Variants in DNAJC5B observed in about 807,000 individuals in gnomAD.
DNAJC5B encodes the protein dnaJ homolog subfamily C member 5B.
DNAJC5B carries 23 observed loss-of-function variants against 24.7 expected under a neutral mutation model. That is an observed-to-expected ratio of 0.93 (90% confidence interval 0.67 to 1.32). The LOEUF (loss-of-function observed/expected upper bound fraction) is 1.32. Among genes scored for constraint, DNAJC5B ranks in the 40% most tolerant of loss-of-function variants. The pLI is 0.00. For missense variants in DNAJC5B, 238 were observed against 240.8 expected, an observed-to-expected ratio of 0.99 and a Z score of 0.08; for synonymous variants, 101 against 90.1, an observed-to-expected ratio of 1.12 and a Z score of -0.68.
intron 3 of DNAJC5B, among the ~76,000 whole-genome samples, chr8:66,054,807 C>T (rs574811057): frequency 6.6e-6 from 1 of 152,310 alleles, no homozygotes; most frequent in Non-Finnish European, 1.5e-5. Flanking sequence ...GAGCTGCCCA[C>T]ACCTGTTGGT....
intron 5 of DNAJC5B, among the ~76,000 whole-genome samples, chr8:66,085,539 C>G (rs1441685128): frequency 6.6e-6 from 1 of 152,126 alleles, no homozygotes; most frequent in Non-Finnish European, 1.5e-5. Flanking sequence ...CACCACTGCA[C>G]TCTAGCCTGG....
chr8:66,061,589 T>TAGAG (rs565078426), intron 3 of DNAJC5B, among the ~76,000 whole-genome samples: 1,783 of 142,796 alleles, frequency 0.012, 31 homozygotes, highest in African/African-American at 0.043. Context: ...AAAGAATGGA[T>TAGAG]AGAGAGAGAG....
At chr8:66,057,446 G>A (rs1285635347) in intron 3 of DNAJC5B, 1 of 152,096 alleles carries the variant, frequency 6.6e-6, no homozygotes, top group Non-Finnish European at 1.5e-5. Flanking sequence ...CAATAACAAA[G>A]ATCCAACATT....
upstream of DNAJC5B, among the ~76,000 whole-genome samples, chr8:66,020,170 C>T (rs1376638498): frequency 2.0e-5 from 3 of 152,188 alleles, no homozygotes; most frequent in Admixed American, 6.5e-5. Context: ...AGTAACCTTT[C>T]CACTTAATTA....
At chr8:66,061,610 A>AGAGTGT (rs1239405686) in intron 3 of DNAJC5B, among the ~76,000 whole-genome samples, 12 of 144,964 alleles carry the variant, frequency 8.3e-5, no homozygotes, top group East Asian at 4.0e-4. Flanking sequence ...AGAGAGAGAG[A>AGAGTGT]GTGTGTGTGT....
At chr8:66,017,855 A>T (rs1208928010), upstream of DNAJC5B, among the ~76,000 whole-genome samples, 2 of 152,252 alleles carry the variant, frequency 1.3e-5, no homozygotes, top group African/African-American at 4.8e-5. Flanking sequence ...GACATAGACT[A>T]CGAGCATTTT....
At chr8:66,036,272 G>A (rs1806482579) in intron 1 of DNAJC5B, among the ~76,000 whole-genome samples, 2 of 152,084 alleles carry the variant, frequency 1.3e-5, no homozygotes, top group African/African-American at 4.8e-5. Context: ...CTGGGTTTTT[G>A]TTGTCATTTG....
chr8:66,052,507 G>T (rs1563595606), intron 3 of DNAJC5B, among the ~76,000 whole-genome samples: 4 of 152,110 alleles, frequency 2.6e-5, no homozygotes, highest in South Asian at 4.1e-4. Flanking sequence ...TATGAGAGAA[G>T]CTGTCTGAAA....
chr8:66,101,117 C>T lies in DNAJC5B; in HGVS notation c.*1086C>T, dbSNP rs1808064507. Among the ~76,000 whole-genome samples, 1 of 151,924 alleles carries T rather than the reference C, an allele frequency of 6.6e-6. No homozygotes were observed. Among genetic ancestry groups the T allele is most frequent in the Admixed American group, 6.6e-5 (1 of 15,254 alleles). On this transcript the variant is annotated 3_prime_UTR_variant, in exon 6 of 6. Transcript: ENST00000276570. ...TTTTTATATAATATTGTATAAAATG[C>T]CTTTATCTTTTTTCTTGTTTCTTAT...
chr8:66,061,561 G>A (rs1205292221), intron 3 of DNAJC5B, among the ~76,000 whole-genome samples: 4 of 151,730 alleles, frequency 2.6e-5, no homozygotes, highest in East Asian at 1.9e-4. Context: ...GCCAAGAAGT[G>A]TTGAGTATGT....
rs1362826421 is a variant in DNAJC5B at position 66,101,051 on chromosome 8, T to A, written c.*1020T>A. ...AGTGTTCGTTTTTCTAGCTCTTTCT[T>A]ACTTTTTTATATAATATTGCATTTT... On this transcript the variant is annotated 3_prime_UTR_variant, in exon 6 of 6. Transcript: ENST00000276570. Among the ~76,000 whole-genome samples, 1 of 152,248 alleles carries A rather than the reference T, an allele frequency of 6.6e-6. No homozygotes were observed. Among genetic ancestry groups the A allele is most frequent in the African/African-American group, 2.4e-5 (1 of 41,466 alleles).
At chr8:66,029,062 A>T (rs968572551) in intron 1 of DNAJC5B, among the ~76,000 whole-genome samples, 1 of 152,108 alleles carries the variant, frequency 6.6e-6, no homozygotes, top group African/African-American at 2.4e-5. Context: ...TTGCTCATGC[A>T]ATTTCTTCAG....
intron 5 of DNAJC5B, among the ~76,000 whole-genome samples, chr8:66,087,982 G>A (rs1807765376): frequency 6.6e-6 from 1 of 152,206 alleles, no homozygotes; most frequent in South Asian, 2.1e-4. Context: ...GCCCCAGTAG[G>A]GACTGTGTGT....
chr8:66,088,834 T>G (rs892969880), intron 5 of DNAJC5B, among the ~76,000 whole-genome samples: 2 of 152,166 alleles, frequency 1.3e-5, no homozygotes, highest in African/African-American at 4.8e-5. Context: ...CATATCACTA[T>G]CAGCATTTTG....
At chr8:66,015,884 G>A in the DNAJC5B span, among the ~76,000 whole-genome samples, 1 of 152,216 alleles carries the variant, frequency 6.6e-6, no homozygotes, top group Non-Finnish European at 1.5e-5. Flanking sequence ...AGATTGGTGA[G>A]AGTTTGCAAT....
At chr8:66,028,906 G>A (rs17307227) in intron 1 of DNAJC5B, among the ~76,000 whole-genome samples, 12,920 of 152,188 alleles carry the variant, frequency 0.085, 705 homozygotes, top group Middle Eastern at 0.15. Flanking sequence ...TGGTTTTCAA[G>A]GCCTCTCACC....
At position 66,040,808 on chromosome 8, in the gene DNAJC5B, C is replaced by G. The variant is rs78892501; in HGVS notation, c.-141-2680C>G. On this transcript the variant is annotated intron_variant, in intron 1 of 5. Coordinates refer to ENST00000276570, the MANE Select transcript of DNAJC5B (RefSeq NM_033105.6). Reference sequence around the variant, plus strand: ...AGAGAGTTATAAATAGTTCTCTCTGCTTAGCCTTCGATAATTCTATGTTTT... The same window carrying G: ...AGAGAGTTATAAATAGTTCTCTCTGGTTAGCCTTCGATAATTCTATGTTTT... Among the ~76,000 whole-genome samples, 1,458 of 152,284 alleles carry G rather than the reference C, an allele frequency of 9.6e-3. 41 individuals are homozygous for G. The highest frequency in any genetic ancestry group is 0.034 in the African/African-American group (1,397 of 41,562).
intron 2 of DNAJC5B, 83 bp downstream of exon 2, chr8:66,043,694 T>C (rs1022976156): frequency 6.6e-6 from 1 of 152,194 alleles, no homozygotes; most frequent in Non-Finnish European, 1.5e-5. Flanking sequence ...AGCAAGTTGT[T>C]CCTGTTTGCG....
chr8:66,047,929 C>T (rs1806758317), intron 2 of DNAJC5B, among the ~76,000 whole-genome samples: 3 of 152,172 alleles, frequency 2.0e-5, no homozygotes, highest in Admixed American at 2.0e-4. Flanking sequence ...TGTACAAATA[C>T]AGGGCCCCGC....
Sources: gnomAD v4.1 joint callset for allele counts (sites outside exome capture counted in the v4.1 genomes callset) on GRCh38, gnomAD v4.1.1 for gene constraint, MANE v1.5 for transcripts, NCBI Gene and HGNC (gene_info 2026-07-23, HGNC 2026-07-21) for gene names.